The following UTY variants were observed in gnomAD, a reference collection of about 807,000 sequenced individuals.
UTY encodes histone demethylase UTY.
UTY carries 12 observed loss-of-function variants against 32.5 expected under a neutral mutation model. The ratio of observed to expected loss-of-function variants is 0.37; its 90% CI spans 0.24 to 0.60. The LOEUF is 0.60. Among genes scored for constraint, UTY ranks in the 20% least tolerant of loss-of-function variants. The pLI, the probability that UTY is intolerant of heterozygous loss-of-function variation, is 0.69. For synonymous variants in UTY, 131 were observed against 103.4 expected, an observed-to-expected ratio of 1.27 and a Z score of -1.62; for missense variants, 303 against 299.2, an observed-to-expected ratio of 1.01 and a Z score of -0.09.
intron 18 of UTY, among the ~76,000 whole-genome samples, chrY:13,330,412 C>T (rs768682769): frequency 2.4e-4 from 8 of 33,417 alleles, no homozygotes; most frequent in Admixed American, 5.4e-4. Flanking sequence ...CCACCCCACT[C>T]AGGAAGTGCA....
At chrY:13,324,183 G>A (rs2060030878) in intron 20 of UTY, among the ~76,000 whole-genome samples, 2 of 32,025 alleles carry the variant, frequency 6.2e-5, no homozygotes, top group South Asian at 1.4e-3. Flanking sequence ...ACCTGACACC[G>A]GAGACTCATT....
intron 3 of UTY, among the ~76,000 whole-genome samples, chrY:13,460,846 T>C: frequency 6.0e-5 from 2 of 33,283 alleles, no homozygotes; most frequent in Non-Finnish European, 1.5e-4. Context: ...TTGCAGAGAG[T>C]AAATTTTAAA....
At chrY:13,328,944 TTTAA>T (rs2060460669) in intron 18 of UTY, among the ~76,000 whole-genome samples, 5 of 33,770 alleles carry the variant, frequency 1.5e-4, no homozygotes, top group Non-Finnish European at 3.0e-4. Flanking sequence ...TATCAATTTA[TTTAA>T]TTATTATTTT....
intron 27 of UTY, among the ~76,000 whole-genome samples, chrY:13,294,209 C>T (rs375161514): frequency 3.6e-4 from 12 of 33,172 alleles, no homozygotes; most frequent in African/African-American, 7.0e-4. Context: ...GATTTCAAAA[C>T]GTACCTCAAA....
intron 3 of UTY, among the ~76,000 whole-genome samples, chrY:13,456,378 T>C: frequency 3.0e-5 from 1 of 32,787 alleles, no homozygotes; most frequent in Non-Finnish European, 7.5e-5. Flanking sequence ...ACACCTATAA[T>C]CCCAGCACTC....
chrY:13,458,933 G>A (rs2077124852), intron 3 of UTY, among the ~76,000 whole-genome samples: 1 of 31,975 alleles, frequency 3.1e-5, no homozygotes, highest in Non-Finnish European at 7.6e-5. Context: ...ACCAAACATC[G>A]CATATTCTCA....
chrY:13,238,980 C>A, intron 28 of UTY, among the ~76,000 whole-genome samples: 8 of 33,138 alleles, frequency 2.4e-4, no homozygotes, highest in Non-Finnish European at 7.4e-5. Context: ...GGAATAGATC[C>A]AAATAAAAAA....
chrY:13,451,720 T>C (rs2076338065), intron 3 of UTY, among the ~76,000 whole-genome samples: 4 of 33,461 alleles, frequency 1.2e-4, no homozygotes, highest in African/African-American at 3.5e-4. Context: ...ACATCTATCA[T>C]ATATCAGGCT....
intron 6 of UTY, among the ~76,000 whole-genome samples, chrY:13,403,686 AAAC>A (rs2069422919): frequency 3.0e-5 from 1 of 33,325 alleles, no homozygotes; most frequent in East Asian, 8.0e-4. Flanking sequence ...TGACCTCAGA[AAAC>A]AACAATGTGG....
chrY:13,451,482 C>T (rs1026736915), intron 3 of UTY, among the ~76,000 whole-genome samples: 3 of 33,216 alleles, frequency 9.0e-5, no homozygotes, highest in Admixed American at 2.7e-4. Flanking sequence ...CACCAATTTA[C>T]AGGTTATGTT....
At chrY:13,245,418 G>T, downstream of UTY, among the ~76,000 whole-genome samples, 1 of 33,857 alleles carries the variant, frequency 3.0e-5, no homozygotes. Flanking sequence ...TCACTAACTT[G>T]CATTTCTAAA....
At chrY:13,262,872 G>A in intron 27 of UTY, among the ~76,000 whole-genome samples, 2 of 32,762 alleles carry the variant, frequency 6.1e-5, no homozygotes, top group African/African-American at 2.4e-4. Context: ...CCATAATGAA[G>A]CTTATTCTGT....
intron 17 of UTY, among the ~76,000 whole-genome samples, chrY:13,337,970 T>C: frequency 3.2e-5 from 1 of 30,926 alleles, no homozygotes; most frequent in Non-Finnish European, 7.8e-5. Flanking sequence ...CCAAATAGAT[T>C]ATAAAGGGTA....
chrY:13,389,306 T>C (rs2067260926), intron 8 of UTY, among the ~76,000 whole-genome samples: 1 of 33,307 alleles, frequency 3.0e-5, no homozygotes. Flanking sequence ...TTAACTTTGT[T>C]GATTGCTTTC....
chrY:13,274,563 T>C, intron 27 of UTY, among the ~76,000 whole-genome samples: 1 of 32,025 alleles, frequency 3.1e-5, no homozygotes, highest in East Asian at 8.0e-4. Flanking sequence ...GCAGATCACC[T>C]GAGGTTGGGA....
At chrY:13,458,646 T>C (rs2077083653) in intron 3 of UTY, among the ~76,000 whole-genome samples, 1 of 33,106 alleles carries the variant, frequency 3.0e-5, no homozygotes, top group South Asian at 6.6e-4. Flanking sequence ...TTGAGTTCAT[T>C]GTAGATTCTG....
At position 13,335,822 on chromosome Y, in the gene UTY, C is replaced by A; in HGVS notation, c.2575G>T (p.Val859Phe). Residue 859 changes from valine (V) to phenylalanine (F), a missense_variant, in exon 18 of 30, where the codon GTT becomes TTT. Transcript: ENST00000545955. ...PAVHTKTDHS[V>F]ASSPSSAIST... ...ATGGCTGAAGAGGGTGAAGAGGCAA[C>A]AGAATGATCAGTCTTTGTATGAACA... 2 of 399,020 alleles carry A rather than the reference C, an allele frequency of 5.0e-6. No individual in the cohort carries two copies. Among genetic ancestry groups the A allele is most frequent in the Non-Finnish European group, 7.1e-6 (2 of 283,672 alleles).
intron 17 of UTY, among the ~76,000 whole-genome samples, chrY:13,336,808 A>T (rs2061120017): frequency 5.9e-5 from 2 of 33,692 alleles, no homozygotes; most frequent in Non-Finnish European, 1.5e-4. Context: ...ATGTTTTCTG[A>T]AAAAGAATTA....
chrY:13,272,106 T>C (rs2056336221), intron 27 of UTY, among the ~76,000 whole-genome samples: 3 of 34,133 alleles, frequency 8.8e-5, no homozygotes. Flanking sequence ...AAAACTATTA[T>C]GATATGCAAA....
Sources: allele counts gnomAD v4.1 joint callset (sites outside exome capture counted in the v4.1 genomes callset), GRCh38; gene constraint gnomAD v4.1.1; transcripts MANE v1.5; gene names NCBI Gene and HGNC (gene_info 2026-07-23, HGNC 2026-07-21).